Variants in ARHGAP24 observed in about 807,000 individuals in gnomAD.
The protein encoded by ARHGAP24 is rho GTPase-activating protein 24.
Under a neutral mutation model 76.4 loss-of-function variants are expected in ARHGAP24, and 50 were observed. The ratio of observed to expected loss-of-function variants is 0.65; its 90% CI spans 0.52 to 0.83. The LOEUF (loss-of-function observed/expected upper bound fraction) is 0.83. ARHGAP24 is among the 40% of genes least tolerant of loss of function. ARHGAP24 has a pLI of 0.00. For synonymous variants in ARHGAP24, 345 were observed against 323.3 expected (o/e 1.07, Z -0.72); for missense variants, 930 against 914.2 (o/e 1.02, Z -0.22).
intron 3 of ARHGAP24, among the ~76,000 whole-genome samples, chr4:85,901,537 A>G (rs1406613148): frequency 6.6e-6 from 1 of 152,194 alleles, no homozygotes; most frequent in Non-Finnish European, 1.5e-5. Flanking sequence ...CATATTGAAA[A>G]CTTGAGTAGG....
intron 3 of ARHGAP24, among the ~76,000 whole-genome samples, chr4:85,833,872 A>G (rs1193166351): frequency 6.6e-6 from 1 of 152,236 alleles, no homozygotes; most frequent in Non-Finnish European, 1.5e-5. Context: ...TTTAAATATC[A>G]GAAATATTTT....
intron 1 of ARHGAP24, among the ~76,000 whole-genome samples, chr4:85,565,839 A>G (rs944485281): frequency 3.9e-5 from 6 of 152,190 alleles, no homozygotes; most frequent in Non-Finnish European, 8.8e-5. Context: ...AAATGAAGTC[A>G]CACATCTAAA....
intron 2 of ARHGAP24, among the ~76,000 whole-genome samples, chr4:85,702,017 AC>A (rs1474486679): frequency 6.6e-6 from 1 of 151,894 alleles, no homozygotes; most frequent in East Asian, 1.9e-4. Flanking sequence ...AAGTCCATCA[AC>A]CCATGGTACA....
At chr4:85,808,895 T>A (rs1728899858) in intron 3 of ARHGAP24, among the ~76,000 whole-genome samples, 1 of 152,132 alleles carries the variant, frequency 6.6e-6, no homozygotes, top group Admixed American at 6.5e-5. Flanking sequence ...AAAAGATTAG[T>A]CTATCAGCAG....
chr4:85,535,499 A>G (rs974406448), intron 1 of ARHGAP24, among the ~76,000 whole-genome samples: 1 of 152,210 alleles, frequency 6.6e-6, no homozygotes, highest in African/African-American at 2.4e-5. Context: ...AGGTCATCCC[A>G]TTTGTCAATT....
chr4:85,865,768 G>A (rs1560681561), intron 3 of ARHGAP24, among the ~76,000 whole-genome samples: 1 of 151,604 alleles, frequency 6.6e-6, no homozygotes, highest in Non-Finnish European at 1.5e-5. Context: ...ACTTACAGTT[G>A]GATTCTTTTA....
intron 3 of ARHGAP24, among the ~76,000 whole-genome samples, chr4:85,871,220 A>G (rs1560685540): frequency 2.0e-5 from 3 of 152,180 alleles, no homozygotes; most frequent in Admixed American, 1.3e-4. Context: ...TAAAGTTAAT[A>G]TAATTTAGGA....
chr4:85,946,340 C>G (rs1436205936), intron 5 of ARHGAP24, among the ~76,000 whole-genome samples: 1 of 151,948 alleles, frequency 6.6e-6, no homozygotes, highest in Admixed American at 6.6e-5. Flanking sequence ...TTACTTTTTT[C>G]CATTTTTATT....
intron 3 of ARHGAP24, among the ~76,000 whole-genome samples, chr4:85,885,440 C>G (rs1733511933): frequency 6.6e-6 from 1 of 152,014 alleles, no homozygotes; most frequent in African/African-American, 2.4e-5. Flanking sequence ...TACCTATTAG[C>G]TGTTACCCAG....
intron 2 of ARHGAP24, among the ~76,000 whole-genome samples, chr4:85,626,574 G>T (rs1028364760): frequency 2.0e-5 from 3 of 152,156 alleles, no homozygotes; most frequent in Non-Finnish European, 4.4e-5. Context: ...TCTTCTCGAG[G>T]AGTAATTTTG....
chr4:85,692,582 G>A (rs2110018908), intron 2 of ARHGAP24, among the ~76,000 whole-genome samples: 1 of 152,226 alleles, frequency 6.6e-6, no homozygotes, highest in East Asian at 1.9e-4. Flanking sequence ...TTTGGGCTCT[G>A]AGATTCTTTC....
At chr4:85,780,452 G>A (rs1438848573) in intron 3 of ARHGAP24, among the ~76,000 whole-genome samples, 11 of 152,118 alleles carry the variant, frequency 7.2e-5, no homozygotes, top group African/African-American at 2.2e-4. Context: ...GATTACAAAC[G>A]TGAGCCACTG....
intron 2 of ARHGAP24, among the ~76,000 whole-genome samples, chr4:85,703,201 A>T (rs1446133740): frequency 6.6e-6 from 1 of 152,176 alleles, no homozygotes; most frequent in Admixed American, 6.6e-5. Flanking sequence ...TAGACTTGTA[A>T]GAAATTCATT....
intron 2 of ARHGAP24, among the ~76,000 whole-genome samples, chr4:85,649,009 ATATG>A (rs1454441008): frequency 5.6e-3 from 208 of 37,416 alleles, no homozygotes; most frequent in Middle Eastern, 0.02. Flanking sequence ...GCATTTGTAA[ATATG>A]TGTGTGTGTG....
intron 3 of ARHGAP24, among the ~76,000 whole-genome samples, chr4:85,742,229 G>T (rs1170431539): frequency 6.6e-6 from 1 of 152,176 alleles, no homozygotes; most frequent in Non-Finnish European, 1.5e-5. Flanking sequence ...CCAAAAGTCT[G>T]CTTTCTCCCA....
chr4:85,878,308 G>A (rs1363074337), intron 3 of ARHGAP24, among the ~76,000 whole-genome samples: 4 of 152,086 alleles, frequency 2.6e-5, no homozygotes, highest in Admixed American at 2.6e-4. Context: ...AGAGAATGTT[G>A]TGAATACCCC....
intron 3 of ARHGAP24, among the ~76,000 whole-genome samples, chr4:85,783,694 A>G (rs1446531060): frequency 6.6e-6 from 1 of 152,214 alleles, no homozygotes; most frequent in Non-Finnish European, 1.5e-5. Flanking sequence ...GGGTTCTCAT[A>G]CTAAAGAAAA....
At chr4:85,867,910 C>T (rs72970053) in intron 3 of ARHGAP24, among the ~76,000 whole-genome samples, 74,820 of 143,628 alleles carry the variant, frequency 0.52, 20,948 homozygotes, top group African/African-American at 0.7. Flanking sequence ...TATATATATA[C>T]ATATATGTAC....
intron 2 of ARHGAP24, among the ~76,000 whole-genome samples, chr4:85,578,307 G>C (rs906646138): frequency 4.6e-5 from 7 of 152,176 alleles, no homozygotes; most frequent in African/African-American, 1.7e-4. Flanking sequence ...TGCTCCTCAG[G>C]TCGCTTTTGA....
Sources: gnomAD v4.1 joint callset for allele counts (sites outside exome capture counted in the v4.1 genomes callset) on GRCh38, gnomAD v4.1.1 for gene constraint, MANE v1.5 for transcripts, NCBI Gene and HGNC (gene_info 2026-07-23, HGNC 2026-07-21) for gene names.